Variants in PLA2G2C observed in about 807,000 individuals in gnomAD.
PLA2G2C encodes the protein putative inactive group IIC secretory phospholipase A2.
A neutral mutation model predicts 14.3 loss-of-function variants in PLA2G2C; 15 were observed. That is an observed-to-expected ratio of 1.05 (90% CI 0.70 to 1.62). PLA2G2C has a LOEUF of 1.62. PLA2G2C is among the 40% of genes most tolerant of loss of function. The pLI, the probability that PLA2G2C is intolerant of heterozygous loss-of-function variation, is 0.00. For synonymous variants in PLA2G2C, 79 were observed against 67.7 expected (o/e 1.17, Z -0.82); for missense variants, 162 against 173.2 (o/e 0.94, Z 0.36).
intron 2 of PLA2G2C, among the ~76,000 whole-genome samples, chr1:20,176,270 C>T (rs1402390525): frequency 6.6e-6 from 1 of 152,046 alleles, no homozygotes; most frequent in Admixed American, 6.6e-5. Flanking sequence ...TGGGTAAACG[C>T]TGTATAGAGG....
intron 3 of PLA2G2C, among the ~76,000 whole-genome samples, chr1:20,174,598 G>C (rs2018145807): frequency 1.3e-5 from 2 of 152,230 alleles, no homozygotes; most frequent in South Asian, 2.1e-4. Context: ...ACAGCTTCTA[G>C]AGCTCTGGGC....
intron 4 of PLA2G2C, among the ~76,000 whole-genome samples, chr1:20,164,690 C>G (rs1268114149): frequency 6.6e-6 from 1 of 152,222 alleles, no homozygotes; most frequent in Non-Finnish European, 1.5e-5. Context: ...CAACTTGAGG[C>G]GTTCACAAGG....
At chr1:20,164,597 G>A (rs966453267) in intron 4 of PLA2G2C, among the ~76,000 whole-genome samples, 1 of 152,234 alleles carries the variant, frequency 6.6e-6, no homozygotes, top group Admixed American at 6.5e-5. Flanking sequence ...ACACAGGCCA[G>A]GGTGATGGGA....
chr1:20,170,395 G>A (rs2018050917), intron 4 of PLA2G2C, among the ~76,000 whole-genome samples: 1 of 152,194 alleles, frequency 6.6e-6, no homozygotes, highest in African/African-American at 2.4e-5. Context: ...ATCTCTAAGG[G>A]CACTTTAGCT....
chr1:20,167,115 T>C (rs1294105923), intron 4 of PLA2G2C, among the ~76,000 whole-genome samples: 1 of 152,206 alleles, frequency 6.6e-6, no homozygotes, highest in Non-Finnish European at 1.5e-5. Flanking sequence ...TTCCTGCCTG[T>C]GGCTGTCCCA....
intron 4 of PLA2G2C, among the ~76,000 whole-genome samples, chr1:20,166,191 C>G (rs2017976030): frequency 6.6e-6 from 1 of 152,204 alleles, no homozygotes; most frequent in Admixed American, 6.5e-5. Flanking sequence ...GCAGAGCTGC[C>G]TGCAGTCAGT....
chr1:20,171,930 T>A (rs192941242), intron 4 of PLA2G2C, among the ~76,000 whole-genome samples: 162 of 150,982 alleles, frequency 1.1e-3, no homozygotes, highest in African/African-American at 3.9e-3. Context: ...CCCGGCTAAT[T>A]TTTTTTGTAT....
At chr1:20,179,718 G>A (rs28404440) in intron 1 of PLA2G2C, among the ~76,000 whole-genome samples, 1 of 140,248 alleles carries the variant, frequency 7.1e-6, no homozygotes, top group Non-Finnish European at 1.5e-5. Context: ...TTGTGTGTCA[G>A]CTTCTCCCTC....
intron 1 of PLA2G2C, among the ~76,000 whole-genome samples, chr1:20,180,567 T>C (rs1224338868): frequency 6.6e-6 from 1 of 152,212 alleles, no homozygotes; most frequent in African/African-American, 2.4e-5. Context: ...TTTCTCCAAG[T>C]CCAGTGCTCT....
At chr1:20,180,611 G>A (rs978072744) in intron 1 of PLA2G2C, among the ~76,000 whole-genome samples, 1 of 152,208 alleles carries the variant, frequency 6.6e-6, no homozygotes, top group Non-Finnish European at 1.5e-5. Context: ...TAGACCTCTT[G>A]TTCGTGTGGC....
At chr1:20,175,282 G>T in intron 2 of PLA2G2C, 137 bp from the exon 3 acceptor site, 2 of 1,270,328 alleles carry the variant, frequency 1.6e-6, no homozygotes, top group Non-Finnish European at 2.2e-6. Context: ...AAGGGGCATG[G>T]CTGGAATCAC....
chr1:20,172,787 T>A lies in PLA2G2C; in HGVS notation c.283+7A>T. 6.2e-7 allele frequency: 1 copy of A among 1,609,972 alleles called. No individual in the cohort carries two copies. The highest frequency in any genetic ancestry group is 8.5e-7 in the Non-Finnish European group (1 of 1,177,070). On this transcript the variant is annotated splice_region_variant and intron_variant, in intron 4 of 4. Coordinates refer to ENST00000679259, the MANE Select transcript of PLA2G2C (RefSeq NM_001367969.2). ...AAAGACATTTCCATACAGAAAAGGC[T>A]ACTCACAAACCACTGCGCCATTGAC... is the stretch of plus-strand genomic sequence containing the variant.
At chr1:20,173,703 T>A (rs2018130699) in intron 3 of PLA2G2C, among the ~76,000 whole-genome samples, 1 of 152,218 alleles carries the variant, frequency 6.6e-6, no homozygotes, top group Non-Finnish European at 1.5e-5. Flanking sequence ...GAGCATGGGC[T>A]CAGTCCATGT....
intron 4 of PLA2G2C, among the ~76,000 whole-genome samples, chr1:20,165,231 C>T (rs1569921577): frequency 6.6e-6 from 1 of 152,278 alleles, no homozygotes; most frequent in South Asian, 2.1e-4. Context: ...AAATGCTTCT[C>T]CCCAGGATCT....
intron 1 of PLA2G2C, among the ~76,000 whole-genome samples, chr1:20,180,123 T>A (rs1406998612): frequency 6.6e-6 from 1 of 152,118 alleles, no homozygotes; most frequent in East Asian, 1.9e-4. Flanking sequence ...CTATGTCAGC[T>A]TCTCCCTTGC....
At chr1:20,174,535 T>C (rs1193569372) in intron 3 of PLA2G2C, among the ~76,000 whole-genome samples, 1 of 152,192 alleles carries the variant, frequency 6.6e-6, no homozygotes, top group Non-Finnish European at 1.5e-5. Flanking sequence ...GCTGTGCCTA[T>C]AGTCCTAAAA....
intron 1 of PLA2G2C, among the ~76,000 whole-genome samples, chr1:20,179,936 T>C: frequency 6.6e-6 from 1 of 151,486 alleles, no homozygotes; most frequent in East Asian, 1.9e-4. Context: ...TATGTCACCT[T>C]CTCCCTCTGT....
At chr1:20,175,247 T>C in intron 2 of PLA2G2C, 102 bp from the exon 3 acceptor site, 1 of 1,548,078 alleles carries the variant, frequency 6.5e-7, no homozygotes, top group Non-Finnish European at 8.8e-7. Flanking sequence ...ATTCGAAATA[T>C]CACCAGATCC....
chr1:20,184,197 G>GCGCACACACACACACACA (rs1553184784), intron 1 of PLA2G2C: 1 of 149,618 alleles, frequency 6.7e-6, no homozygotes, highest in African/African-American at 2.5e-5. Flanking sequence ...GTGCGCACAC[G>GCGCACACACACACACACA]CACACACACA....
Sources: gnomAD v4.1 joint callset for allele counts (sites outside exome capture counted in the v4.1 genomes callset) on GRCh38, gnomAD v4.1.1 for gene constraint, MANE v1.5 for transcripts, NCBI Gene and HGNC (gene_info 2026-07-23, HGNC 2026-07-21) for gene names.